The following RASSF3 variants were observed in gnomAD, a reference collection of about 807,000 sequenced individuals.
RASSF3 encodes ras association domain-containing protein 3.
RASSF3 carries 19 observed loss-of-function variants against 19.9 expected under a neutral mutation model. The observed-to-expected ratio is 0.96, with a 90% CI of 0.67 to 1.40. The LOEUF (loss-of-function observed/expected upper bound fraction) is 1.40. Among genes scored for constraint, RASSF3 ranks in the 40% most tolerant of loss-of-function variants. The pLI, the probability that RASSF3 is intolerant of heterozygous loss-of-function variation, is 0.00. For missense variants in RASSF3, 306 were observed against 289.8 expected, an observed-to-expected ratio of 1.06 and a Z score of -0.41; for synonymous variants, 110 against 104.2, an observed-to-expected ratio of 1.06 and a Z score of -0.34.
At chr12:64,582,221 T>G (rs959516352) in intron 2 of RASSF3, among the ~76,000 whole-genome samples, 7 of 152,092 alleles carry the variant, frequency 4.6e-5, no homozygotes, top group Non-Finnish European at 7.4e-5. Context: ...ACCAAAAGAT[T>G]AGGGTCTATT....
Position 64,619,872 on chromosome 12 carries a change from C to T in RASSF3, c.111+9129C>T, listed in dbSNP as rs113542909. On this transcript the variant is annotated intron_variant, in intron 1 of 4. Coordinates refer to ENST00000542104, the MANE Select transcript of RASSF3 (RefSeq NM_178169.4). ...GTGCATGCCTGTACTCCCAGCTACT[C>T]GGTAGGCTGAGACAGGAGAATCGCT... Among the ~76,000 whole-genome samples the T allele has an allele frequency of 7.9e-3, 1,188 of 151,334 alleles. 20 individuals carry two copies. Among genetic ancestry groups the T allele is most frequent in the African/African-American group, 0.028 (1,142 of 41,236 alleles).
chr12:64,559,312 C>T lies in RASSF3; in HGVS notation c.294+17607C>T, dbSNP rs573672536. ...AGGCTGGAGTGCAGTGGCGCGATCT[C>T]GGTTCACTGCAACCTCCACCTCCCG... is the stretch of plus-strand genomic sequence containing the variant. On this transcript the variant is annotated intron_variant, in intron 2 of 5. Coordinates refer to the RASSF3 transcript ENST00000637125. Among the ~76,000 whole-genome samples, 312 of 150,076 alleles carry T rather than the reference C, an allele frequency of 2.1e-3. 1 individual carries two copies. Among genetic ancestry groups the T allele is most frequent in the African/African-American group, 7.3e-3 (298 of 40,790 alleles).
intron 2 of RASSF3, among the ~76,000 whole-genome samples, chr12:64,685,148 T>G (rs1279099102): frequency 6.6e-6 from 1 of 152,192 alleles, no homozygotes; most frequent in Non-Finnish European, 1.5e-5. Context: ...TTTAAAAGAT[T>G]TTGTGACCCA....
At chr12:64,527,941 T>A (rs867871375) in intron 1 of RASSF3, among the ~76,000 whole-genome samples, 5 of 150,448 alleles carry the variant, frequency 3.3e-5, no homozygotes, top group Non-Finnish European at 7.4e-5. Context: ...TCTCAAAAAA[T>A]AAATAAATAA....
At chr12:64,572,805 A>G (rs1869540850) in intron 2 of RASSF3, among the ~76,000 whole-genome samples, 1 of 152,228 alleles carries the variant, frequency 6.6e-6, no homozygotes, top group Non-Finnish European at 1.5e-5. Flanking sequence ...TGTTTCACAT[A>G]TATAAAGACA....
chr12:64,686,610 CAA>C (rs942183903), intron 2 of RASSF3, among the ~76,000 whole-genome samples: 2 of 151,584 alleles, frequency 1.3e-5, no homozygotes, highest in Admixed American at 1.3e-4. Flanking sequence ...GACTCCATCT[CAA>C]AAAAAAGAGT....
chr12:64,682,347 G>A (rs1359716101), intron 1 of RASSF3, among the ~76,000 whole-genome samples: 1 of 152,054 alleles, frequency 6.6e-6, no homozygotes, highest in Non-Finnish European at 1.5e-5. Flanking sequence ...CGAGGCGGGC[G>A]GATCACAAGG....
rs554024227 is a variant in RASSF3 at position 64,508,744 on chromosome 12, T to C, written c.169+1415T>C. Among the ~76,000 whole-genome samples the C allele has an allele frequency of 2.0e-5, 3 of 151,708 alleles. No individual in the cohort carries two copies. In the East Asian group the frequency reaches 5.9e-4, roughly 30 times the overall value. On this transcript the variant is annotated intron_variant, in intron 1 of 5. Transcript: ENST00000637125. ...TACTAAAAATACAAAATTAGCTGGGTGTGGTAGCACATGCCTGTAATCCCA... is the reference window on the plus strand; with the variant it reads ...TACTAAAAATACAAAATTAGCTGGGCGTGGTAGCACATGCCTGTAATCCCA...
At chr12:64,586,539 T>C (rs1454506613) in intron 2 of RASSF3, among the ~76,000 whole-genome samples, 1 of 127,584 alleles carries the variant, frequency 7.8e-6, no homozygotes, top group Non-Finnish European at 1.7e-5. Context: ...AAATCCCCCA[T>C]AAATTCATTC....
intron 1 of RASSF3, among the ~76,000 whole-genome samples, chr12:64,644,123 A>G (rs924108368): frequency 6.6e-6 from 1 of 152,210 alleles, no homozygotes; most frequent in African/African-American, 2.4e-5. Flanking sequence ...ATTTGAGGAA[A>G]TAGCTTAAAC....
At chr12:64,524,795 T>C (rs1371870256) in intron 1 of RASSF3, among the ~76,000 whole-genome samples, 1 of 152,214 alleles carries the variant, frequency 6.6e-6, no homozygotes, top group Admixed American at 6.5e-5. Context: ...CTGCAAACTC[T>C]TATGCTTGTC....
intron 1 of RASSF3, among the ~76,000 whole-genome samples, chr12:64,651,255 C>T (rs1285573377): frequency 6.6e-6 from 1 of 152,058 alleles, no homozygotes; most frequent in Non-Finnish European, 1.5e-5. Flanking sequence ...TAGTTTAAGT[C>T]CCAAGATATG....
At chr12:64,523,027 C>G (rs552300509) in intron 1 of RASSF3, among the ~76,000 whole-genome samples, 2 of 152,278 alleles carry the variant, frequency 1.3e-5, no homozygotes, top group African/African-American at 4.8e-5. Context: ...CTGACTCATG[C>G]CAGCGCAAAA....
chr12:64,691,686 G>C (rs1565873402), intron 4 of RASSF3, 107 bp downstream of exon 4: 1 of 815,062 alleles, frequency 1.2e-6, no homozygotes, highest in Non-Finnish European at 2.0e-6. Context: ...AGAGAAGAGA[G>C]TTGGAGGGCA....
chr12:64,523,139 C>T (rs1030381783), intron 1 of RASSF3, among the ~76,000 whole-genome samples: 5 of 152,198 alleles, frequency 3.3e-5, no homozygotes, highest in Non-Finnish European at 7.3e-5. Flanking sequence ...GGCACGGTGG[C>T]TCAAGCCTGT....
At chr12:64,520,549 T>TAC (rs1157799363) in intron 1 of RASSF3, among the ~76,000 whole-genome samples, 1,711 of 78,504 alleles carry the variant, frequency 0.022, 41 homozygotes, top group East Asian at 0.046. Context: ...GATACACACA[T>TAC]ACACACATAT....
intron 1 of RASSF3, among the ~76,000 whole-genome samples, chr12:64,675,969 G>T (rs1872884274): frequency 6.6e-6 from 1 of 151,676 alleles, no homozygotes; most frequent in Admixed American, 6.6e-5. Context: ...CAGCCCTAGA[G>T]TGGCCAGGAT....
chr12:64,575,959 G>A (rs530811161), intron 2 of RASSF3, among the ~76,000 whole-genome samples: 19 of 148,910 alleles, frequency 1.3e-4, no homozygotes, highest in African/African-American at 3.5e-4. Flanking sequence ...GCGCGATCTC[G>A]GCTCACCACA....
intron 1 of RASSF3, among the ~76,000 whole-genome samples, chr12:64,675,437 A>G (rs1404637948): frequency 6.6e-6 from 1 of 152,128 alleles, no homozygotes; most frequent in Non-Finnish European, 1.5e-5. Context: ...GGCATGAGCC[A>G]CTGTGCCCGG....
Sources: gnomAD v4.1 joint callset for allele counts (sites outside exome capture counted in the v4.1 genomes callset) on GRCh38, gnomAD v4.1.1 for gene constraint, MANE v1.5 for transcripts, NCBI Gene and HGNC (gene_info 2026-07-23, HGNC 2026-07-21) for gene names.